LRP1B: variants seen among roughly 807,000 people sequenced by gnomAD.
The protein encoded by LRP1B is LDL receptor related protein 1B, also known as low-density lipoprotein receptor-related protein 1B.
Under a neutral mutation model 556.6 loss-of-function variants are expected in LRP1B, and 217 were observed. The ratio of observed to expected loss-of-function variants is 0.39; its 90% CI spans 0.35 to 0.44. The LOEUF is 0.44. LRP1B is among the 20% of genes least tolerant of loss of function. The probability of loss-of-function intolerance (pLI) is 1.00; values close to 1 mark genes in which losing one functional copy is unlikely to be tolerated. For missense variants in LRP1B, 5,053 were observed against 5,620.8 expected (o/e 0.90, Z 3.23); for synonymous variants, 2,047 against 1,865.8 (o/e 1.10, Z -2.50).
intron 2 of LRP1B, among the ~76,000 whole-genome samples, chr2:141,604,091 A>G (rs530089781): frequency 5.3e-5 from 8 of 152,202 alleles, no homozygotes; most frequent in Non-Finnish European, 1.2e-4. Flanking sequence ...ATTAAGAAAC[A>G]ACTTCTGTGT....
At chr2:141,498,582 G>GA (rs1045888339) in intron 2 of LRP1B, among the ~76,000 whole-genome samples, 1 of 151,806 alleles carries the variant, frequency 6.6e-6, no homozygotes, top group African/African-American at 2.4e-5. Flanking sequence ...AAAACTGCTG[G>GA]AAAAATACAT....
chr2:141,668,297 T>C (rs1690521395), intron 2 of LRP1B, among the ~76,000 whole-genome samples: 1 of 152,164 alleles, frequency 6.6e-6, no homozygotes, highest in Non-Finnish European at 1.5e-5. Context: ...GGGTAGAGGA[T>C]GGTGGTTCTC....
At chr2:141,495,330 G>A (rs902079400) in intron 2 of LRP1B, among the ~76,000 whole-genome samples, 5 of 152,082 alleles carry the variant, frequency 3.3e-5, no homozygotes, top group African/African-American at 4.8e-5. Context: ...TGTTTCATCT[G>A]CCCTTTCTGA....
At position 140,337,412 on chromosome 2, in the gene LRP1B, T is replaced by A. The variant is rs548996130; in HGVS notation, c.11893-1574A>T. 2.6e-5 allele frequency among the ~76,000 whole-genome samples: 4 copies of A among 152,092 alleles called. No homozygotes were observed. In the South Asian group the frequency reaches 8.3e-4, roughly 32 times the overall value. ...ATGTCATATAAATAATATTCATAGATGTTTAGAATATAAATATTTGTCCTA... is the reference window on the plus strand; with the variant it reads ...ATGTCATATAAATAATATTCATAGAAGTTTAGAATATAAATATTTGTCCTA... On this transcript the variant is annotated intron_variant, in intron 77 of 90. Coordinates refer to ENST00000389484, the MANE Select transcript of LRP1B (RefSeq NM_018557.3).
At chr2:140,595,098 A>ATC (rs1682382340) in intron 43 of LRP1B, among the ~76,000 whole-genome samples, 2 of 50,644 alleles carry the variant, frequency 3.9e-5, no homozygotes, top group Admixed American at 1.9e-4. Flanking sequence ...ATATATATAT[A>ATC]TATATATATA....
chr2:141,498,356 C>CTTTTTTTT (rs67454706), intron 2 of LRP1B, among the ~76,000 whole-genome samples: 2 of 144,090 alleles, frequency 1.4e-5, no homozygotes, highest in Non-Finnish European at 1.5e-5. Flanking sequence ...CTTTAAAATC[C>CTTTTTTTT]TTTTTTTTTT....
chr2:141,836,520 G>C lies in LRP1B; in HGVS notation c.83-26119C>G, dbSNP rs532694348. Among the ~76,000 whole-genome samples the C allele has an allele frequency of 2.6e-5, 4 of 151,870 alleles. No homozygotes were observed. The East Asian group carries it at 7.7e-4, about 29-fold the overall frequency. On this transcript the variant is annotated intron_variant, in intron 1 of 90. Transcript: ENST00000389484. Reference sequence around the variant, plus strand: ...TTCCTCTAAGCAGAATCAAACAGCTGCTAGAGATAAAAAGAGCATCACCGG... The same window carrying C: ...TTCCTCTAAGCAGAATCAAACAGCTCCTAGAGATAAAAAGAGCATCACCGG...
intron 3 of LRP1B, among the ~76,000 whole-genome samples, chr2:141,256,610 A>T (rs1487954810): frequency 6.6e-6 from 1 of 152,122 alleles, no homozygotes; most frequent in Non-Finnish European, 1.5e-5. Flanking sequence ...AATGAAGACT[A>T]TGAATCTTTG....
chr2:140,324,752 GTAAAGTATA>G (rs551220943), intron 80 of LRP1B, among the ~76,000 whole-genome samples: 1,606 of 151,850 alleles, frequency 0.011, 35 homozygotes, highest in African/African-American at 0.038. Flanking sequence ...TCTAGAGGTT[GTAAAGTATA>G]AAGTGTCTTT....
intron 3 of LRP1B, among the ~76,000 whole-genome samples, chr2:141,314,566 C>A (rs1686927361): frequency 6.6e-6 from 1 of 151,394 alleles, no homozygotes; most frequent in South Asian, 2.1e-4. Flanking sequence ...TGGAGGTGGG[C>A]GGGTCACCAG....
chr2:140,472,118 T>G (rs1006331825), intron 60 of LRP1B, among the ~76,000 whole-genome samples: 1 of 152,206 alleles, frequency 6.6e-6, no homozygotes, highest in Non-Finnish European at 1.5e-5. Flanking sequence ...ATATTTGTTT[T>G]GCCATTTGAG....
chr2:141,235,538 C>T (rs1020791485), intron 5 of LRP1B, among the ~76,000 whole-genome samples: 7 of 151,882 alleles, frequency 4.6e-5, no homozygotes, highest in African/African-American at 1.7e-4. Flanking sequence ...ATTCAATATG[C>T]AGAGATGGAT....
intron 57 of LRP1B, 47 bp downstream of exon 57, chr2:140,492,561 C>T (rs1355561164): frequency 7.9e-7 from 1 of 1,271,228 alleles, no homozygotes; most frequent in Non-Finnish European, 1.1e-6. Flanking sequence ...TAACACATAC[C>T]TAGTGCACAT....
chr2:140,665,910 A>G (rs545037115), intron 41 of LRP1B, among the ~76,000 whole-genome samples: 6 of 152,102 alleles, frequency 3.9e-5, no homozygotes, highest in African/African-American at 1.2e-4. Context: ...TTTTTTCCTT[A>G]AGTCTTAGAG....
At chr2:140,493,433 G>A (rs1343783962) in intron 56 of LRP1B, among the ~76,000 whole-genome samples, 2 of 152,016 alleles carry the variant, frequency 1.3e-5, no homozygotes, top group South Asian at 2.1e-4. Context: ...GAAACAAAAC[G>A]ATTTCTTGAA....
intron 2 of LRP1B, among the ~76,000 whole-genome samples, chr2:141,588,384 A>T (rs1442552624): frequency 6.6e-6 from 1 of 152,042 alleles, no homozygotes; most frequent in Admixed American, 6.6e-5. Context: ...TAGAGAAGGG[A>T]CTGAAACTGT....
At chr2:140,836,153 A>G (rs1351444731) in intron 31 of LRP1B, among the ~76,000 whole-genome samples, 1 of 152,196 alleles carries the variant, frequency 6.6e-6, no homozygotes, top group Non-Finnish European at 1.5e-5. Flanking sequence ...TTTCTTGAAC[A>G]CATATATAGG....
intron 3 of LRP1B, among the ~76,000 whole-genome samples, chr2:141,419,014 T>C (rs1396334506): frequency 6.6e-6 from 1 of 152,086 alleles, no homozygotes; most frequent in Non-Finnish European, 1.5e-5. Context: ...TGAATATTAC[T>C]TTTTTTGAGT....
chr2:141,795,500 C>T (rs1160522135), intron 2 of LRP1B, among the ~76,000 whole-genome samples: 1 of 151,898 alleles, frequency 6.6e-6, no homozygotes, highest in African/African-American at 2.4e-5. Flanking sequence ...AATTTAGTTA[C>T]AAATTATTAT....
Sources: allele counts gnomAD v4.1 joint callset (sites outside exome capture counted in the v4.1 genomes callset), GRCh38; gene constraint gnomAD v4.1.1; transcripts MANE v1.5; gene names NCBI Gene and HGNC (gene_info 2026-07-23, HGNC 2026-07-21).